The following ZRANB3 variants were observed in gnomAD, a reference collection of about 807,000 sequenced individuals.
The protein encoded by ZRANB3 is DNA annealing helicase and endonuclease ZRANB3.
A neutral mutation model predicts 133.8 loss-of-function variants in ZRANB3; 125 were observed. That is an observed-to-expected ratio of 0.93 (90% confidence interval 0.81 to 1.08). The LOEUF (loss-of-function observed/expected upper bound fraction) is 1.08. ZRANB3 is among the 50% of genes least tolerant of loss of function. ZRANB3 has a pLI of 0.00. For synonymous variants in ZRANB3, 387 were observed against 432.7 expected (o/e 0.89, Z 1.31); for missense variants, 1,229 against 1,275.5 (o/e 0.96, Z 0.56).
chr2:135,463,930 C>A (rs13417754), intron 2 of ZRANB3, among the ~76,000 whole-genome samples: 40,566 of 152,094 alleles, frequency 0.27, 9,044 homozygotes, highest in African/African-American at 0.6. Flanking sequence ...TTCCAAATCC[C>A]TTCATCTATA....
At chr2:135,319,161 GTTAC>G (rs1683399397) in intron 6 of ZRANB3, among the ~76,000 whole-genome samples, 1 of 152,100 alleles carries the variant, frequency 6.6e-6, no homozygotes, top group African/African-American at 2.4e-5. Flanking sequence ...AGACACTTTT[GTTAC>G]TTAAACAGAA....
chr2:135,254,773 CAG>C (rs1679571633), intron 12 of ZRANB3, among the ~76,000 whole-genome samples: 1 of 151,684 alleles, frequency 6.6e-6, no homozygotes, highest in Non-Finnish European at 1.5e-5. Flanking sequence ...TTCTTTGAGA[CAG>C]AGTCTTGCTC....
chr2:135,398,580 G>A (rs1160921898), intron 2 of ZRANB3, among the ~76,000 whole-genome samples: 3 of 144,234 alleles, frequency 2.1e-5, no homozygotes, highest in East Asian at 2.0e-4. Flanking sequence ...GTGCAGTGGC[G>A]CTATCTCGGC....
intron 2 of ZRANB3, among the ~76,000 whole-genome samples, chr2:135,497,437 T>C (rs1692724105): frequency 2.0e-5 from 3 of 152,192 alleles, no homozygotes; most frequent in African/African-American, 4.8e-5. Context: ...CACTATTCCA[T>C]ATGGTAGGCA....
At chr2:135,285,853 T>C (rs902067276) in intron 8 of ZRANB3, among the ~76,000 whole-genome samples, 1 of 152,206 alleles carries the variant, frequency 6.6e-6, no homozygotes, top group African/African-American at 2.4e-5. Flanking sequence ...TAGGAGAATA[T>C]TATGCTGATC....
intron 2 of ZRANB3, among the ~76,000 whole-genome samples, chr2:135,457,746 C>A (rs1306404689): frequency 6.9e-6 from 1 of 145,518 alleles, no homozygotes; most frequent in Non-Finnish European, 1.5e-5. Flanking sequence ...CTATTCATAT[C>A]CTTTGCCCAT....
chr2:135,353,477 T>G lies in ZRANB3; in HGVS notation c.332A>C (p.Asn111Thr). The change falls in exon 4 of 21, where the codon AAT (asparagine) becomes ACT (threonine). Residue 111 changes from asparagine to threonine, a missense_variant. Transcript: ENST00000264159. ...WIPELSPEEI[N>T]VIQNKTDVRR... ...AACATCAGTTTTATTCTGAATAACA[T>G]TGATTTCTTCTGGACTTAGCTCTGG... The G allele has an allele frequency of 6.2e-7, 1 of 1,600,692 alleles. No individual in the cohort carries two copies. The highest frequency in any genetic ancestry group is 1.1e-5 in the South Asian group (1 of 88,236).
intron 17 of ZRANB3, among the ~76,000 whole-genome samples, chr2:135,214,880 C>T (rs1694241533): frequency 6.6e-6 from 1 of 152,214 alleles, no homozygotes; most frequent in African/African-American, 2.4e-5. Flanking sequence ...TTACTGTACT[C>T]ATACAGCATT....
intron 1 of ZRANB3, among the ~76,000 whole-genome samples, chr2:135,525,154 A>C (rs1395419988): frequency 1.3e-5 from 2 of 152,204 alleles, no homozygotes; most frequent in African/African-American, 4.8e-5. Context: ...CCTATGAAGT[A>C]ATTTTTAAAA....
intron 2 of ZRANB3, among the ~76,000 whole-genome samples, chr2:135,410,964 T>C (rs1338829184): frequency 6.6e-6 from 1 of 152,088 alleles, no homozygotes; most frequent in Non-Finnish European, 1.5e-5. Flanking sequence ...ATAGGCCAGG[T>C]GTGGTGGCTC....
At chr2:135,234,494 G>A (rs919025075) in intron 12 of ZRANB3, among the ~76,000 whole-genome samples, 2 of 152,090 alleles carry the variant, frequency 1.3e-5, no homozygotes, top group South Asian at 4.1e-4. Flanking sequence ...AATATACATT[G>A]TTTTCAGCAC....
At chr2:135,202,698 G>T in intron 20 of ZRANB3, 134 bp downstream of exon 20, 1 of 1,101,884 alleles carries the variant, frequency 9.1e-7, no homozygotes, top group Non-Finnish European at 1.2e-6. Context: ...AGTGTTGGGT[G>T]ATGAAAGGAG....
chr2:135,327,997 G>A (rs190199874), intron 6 of ZRANB3, among the ~76,000 whole-genome samples: 1 of 151,892 alleles, frequency 6.6e-6, no homozygotes, highest in African/African-American at 2.4e-5. Context: ...AAGTAGAGAA[G>A]CTGTCTAGAG....
chr2:135,402,991 A>G (rs1687809855), intron 2 of ZRANB3, among the ~76,000 whole-genome samples: 1 of 152,142 alleles, frequency 6.6e-6, no homozygotes, highest in Admixed American at 6.5e-5. Context: ...AGATGGCCAA[A>G]TAGGAACCGC....
At chr2:135,328,317 T>C (rs977542417) in intron 6 of ZRANB3, among the ~76,000 whole-genome samples, 3 of 151,606 alleles carry the variant, frequency 2.0e-5, no homozygotes, top group South Asian at 2.1e-4. Flanking sequence ...CATGTGGTGT[T>C]TGGTTTTCTG....
chr2:135,407,842 A>G (rs1373367980), intron 2 of ZRANB3, among the ~76,000 whole-genome samples: 2 of 122,544 alleles, frequency 1.6e-5, no homozygotes, highest in Non-Finnish European at 3.1e-5. Flanking sequence ...TTAAAGACTT[A>G]CCACGTTAGA....
chr2:135,304,722 G>A (rs920212867), intron 8 of ZRANB3, among the ~76,000 whole-genome samples: 35 of 151,916 alleles, frequency 2.3e-4, no homozygotes, highest in Non-Finnish European at 2.1e-4. Context: ...AGTTGATACA[G>A]GGCTATTTAG....
intron 12 of ZRANB3, among the ~76,000 whole-genome samples, chr2:135,262,159 CAAAA>C (rs755264566): frequency 1.6e-5 from 1 of 63,968 alleles, no homozygotes; most frequent in Non-Finnish European, 3.5e-5. Flanking sequence ...ACTCCATCTC[CAAAA>C]AAAAAAAAAA....
At chr2:135,368,504 TAAC>T (rs2104896098) in intron 3 of ZRANB3, among the ~76,000 whole-genome samples, 1 of 152,120 alleles carries the variant, frequency 6.6e-6, no homozygotes, top group South Asian at 2.1e-4. Context: ...TAAAATAAAA[TAAC>T]AAAATATTAT....
Sources: gnomAD v4.1 joint callset for allele counts (sites outside exome capture counted in the v4.1 genomes callset) on GRCh38, gnomAD v4.1.1 for gene constraint, MANE v1.5 for transcripts, NCBI Gene and HGNC (gene_info 2026-07-23, HGNC 2026-07-21) for gene names.